The following PHF21B variants were observed in gnomAD, a reference collection of about 807,000 sequenced individuals.
PHF21B encodes the protein PHD finger protein 4.
PHF21B carries 22 observed loss-of-function variants against 62.2 expected under a neutral mutation model. The observed-to-expected ratio is 0.35, with a 90% CI of 0.25 to 0.51. The LOEUF is 0.51. PHF21B is among the 20% of genes least tolerant of loss of function. The pLI, the probability that PHF21B is intolerant of heterozygous loss-of-function variation, is 0.97. For synonymous variants in PHF21B, 341 were observed against 314.7 expected, an observed-to-expected ratio of 1.08 and a Z score of -0.88; for missense variants, 701 against 707.9, an observed-to-expected ratio of 0.99 and a Z score of 0.11.
At chr22:44,947,770 C>T (rs1031715832) in intron 2 of PHF21B, among the ~76,000 whole-genome samples, 1 of 152,192 alleles carries the variant, frequency 6.6e-6, no homozygotes, top group Non-Finnish European at 1.5e-5. Context: ...GGGTGTGGCC[C>T]TGGCTCCCGG....
At chr22:44,899,520 A>G (rs2071120093) in intron 5 of PHF21B, among the ~76,000 whole-genome samples, 1 of 151,548 alleles carries the variant, frequency 6.6e-6, no homozygotes, top group Non-Finnish European at 1.5e-5. Flanking sequence ...CGAACTCTTG[A>G]CCTCAGGTGA....
chr22:44,942,306 C>T (rs2071973926), intron 2 of PHF21B, among the ~76,000 whole-genome samples: 1 of 152,166 alleles, frequency 6.6e-6, no homozygotes, highest in Non-Finnish European at 1.5e-5. Flanking sequence ...CCGATGGGCT[C>T]TGCCAGATTC....
intron 2 of PHF21B, among the ~76,000 whole-genome samples, chr22:44,922,939 C>T (rs897115695): frequency 6.6e-6 from 1 of 152,082 alleles, no homozygotes; most frequent in South Asian, 2.1e-4. Context: ...AAATCTCAGT[C>T]AGCTTTTTTT....
At chr22:44,902,911 T>A (rs1256049542) in intron 5 of PHF21B, among the ~76,000 whole-genome samples, 4 of 152,246 alleles carry the variant, frequency 2.6e-5, no homozygotes, top group African/African-American at 7.2e-5. Context: ...GGAAAGGGAT[T>A]ACATTAGCCT....
At chr22:44,958,560 G>T (rs1445251281) in intron 2 of PHF21B, among the ~76,000 whole-genome samples, 1 of 147,846 alleles carries the variant, frequency 6.8e-6, no homozygotes, top group Non-Finnish European at 1.5e-5. Context: ...TCTACTCTTT[G>T]AGAGATCTCC....
intron 2 of PHF21B, among the ~76,000 whole-genome samples, chr22:44,971,906 G>A (rs547967445): frequency 2.6e-5 from 4 of 152,352 alleles, no homozygotes; most frequent in South Asian, 2.1e-4. Flanking sequence ...TGAAGCAGGC[G>A]CCCCACAGCT....
chr22:44,998,859 C>G (rs16991955), intron 2 of PHF21B, among the ~76,000 whole-genome samples: 16,391 of 152,170 alleles, frequency 0.11, 977 homozygotes, highest in African/African-American at 0.17. Context: ...ATGCTCGCCC[C>G]ATTCATCCCC....
intron 3 of PHF21B, among the ~76,000 whole-genome samples, chr22:44,917,124 C>G (rs867218910): frequency 2.0e-5 from 3 of 152,356 alleles, no homozygotes; most frequent in Non-Finnish European, 2.9e-5. Flanking sequence ...AAAACCAGAG[C>G]TGAGCCCGCG....
At chr22:44,893,996 G>C (rs535322901) in intron 6 of PHF21B, among the ~76,000 whole-genome samples, 3 of 152,234 alleles carry the variant, frequency 2.0e-5, no homozygotes, top group Non-Finnish European at 2.9e-5. Context: ...GGAATCCTTC[G>C]CATGCGAGCG....
At chr22:44,939,717 C>G (rs1432254538) in intron 2 of PHF21B, among the ~76,000 whole-genome samples, 1 of 151,926 alleles carries the variant, frequency 6.6e-6, no homozygotes, top group Admixed American at 6.6e-5. Flanking sequence ...TAGGGAGGGG[C>G]GAAGGGATAG....
chr22:44,886,917 G>A (rs1392183872), intron 10 of PHF21B, among the ~76,000 whole-genome samples: 2 of 152,122 alleles, frequency 1.3e-5, no homozygotes, highest in Non-Finnish European at 2.9e-5. Context: ...CACTCTGGGA[G>A]GTCAAGGCGG....
chr22:44,994,252 C>A (rs962226802), intron 2 of PHF21B, among the ~76,000 whole-genome samples: 1 of 152,222 alleles, frequency 6.6e-6, no homozygotes, highest in East Asian at 1.9e-4. Flanking sequence ...AGGGTCATTA[C>A]AGATGTAATT....
chr22:44,993,840 G>A (rs1343475080), intron 2 of PHF21B, among the ~76,000 whole-genome samples: 1 of 152,194 alleles, frequency 6.6e-6, no homozygotes, highest in African/African-American at 2.4e-5. Context: ...CAGCTGGCTG[G>A]TTTTCAAAAC....
chr22:44,913,738 A>T, intron 5 of PHF21B, 84 bp downstream of exon 5: 6 of 1,480,822 alleles, frequency 4.1e-6, no homozygotes, highest in Non-Finnish European at 5.4e-6. Context: ...CCCCACAGTG[A>T]GGCCATCCCC....
Position 45,009,558 on chromosome 22 carries a change from C to T in PHF21B, c.-9G>A. ...CGGCTCTGCAGCTCCATCCCGGCAA[C>T]TTGGGCAGCACTTTGCGCTCACTTT... is the stretch of plus-strand genomic sequence containing the variant. On this transcript the variant is annotated 5_prime_UTR_variant, in exon 1 of 13. Coordinates refer to ENST00000313237, the MANE Select transcript of PHF21B (RefSeq NM_138415.5). This position sits in a 1 kb window ranked among gnomAD's most constrained non-coding sequence, Gnocchi z 5.9. 6.4e-7 allele frequency: 1 copy of T among 1,572,314 alleles called. No individual in the cohort carries two copies. The highest frequency in any genetic ancestry group is 8.6e-7 in the Non-Finnish European group (1 of 1,168,920).
intron 2 of PHF21B, among the ~76,000 whole-genome samples, chr22:44,933,831 G>C (rs2071792221): frequency 6.6e-6 from 1 of 152,160 alleles, no homozygotes; most frequent in Non-Finnish European, 1.5e-5. Flanking sequence ...TGCACCGCGA[G>C]GGAAGGGTTT....
intron 2 of PHF21B, among the ~76,000 whole-genome samples, chr22:44,957,782 A>G (rs1221845112): frequency 6.6e-6 from 1 of 152,156 alleles, no homozygotes; most frequent in African/African-American, 2.4e-5. Context: ...CCTTTATTTC[A>G]GTAGAATGCC....
chr22:44,969,080 TG>T (rs1569262924), intron 2 of PHF21B: 1 of 152,296 alleles, frequency 6.6e-6, no homozygotes, highest in African/African-American at 2.4e-5. Context: ...CCAGAGTCTC[TG>T]CAGGCGTCAC....
At chr22:44,887,604 A>G (rs2070882058) in intron 10 of PHF21B, among the ~76,000 whole-genome samples, 1 of 151,446 alleles carries the variant, frequency 6.6e-6, no homozygotes, top group African/African-American at 2.4e-5. Context: ...AAAATACAAA[A>G]ATTATCCGGG....
Sources: allele counts gnomAD v4.1 joint callset (sites outside exome capture counted in the v4.1 genomes callset), GRCh38; gene constraint gnomAD v4.1.1; non-coding constraint Gnocchi (gnomAD v3.1); transcripts MANE v1.5; gene names NCBI Gene and HGNC (gene_info 2026-07-23, HGNC 2026-07-21).